PHACTR1: variants seen among roughly 807,000 people sequenced by gnomAD.
The protein encoded by PHACTR1 is RPEL repeat containing 1.
PHACTR1 carries 16 observed loss-of-function variants against 69.2 expected under a neutral mutation model. The observed-to-expected ratio is 0.23, with a 90% CI of 0.16 to 0.35. The LOEUF is 0.35. Among genes scored for constraint, PHACTR1 ranks in the 10% least tolerant of loss-of-function variants. The pLI is 1.00. For missense variants in PHACTR1, 510 were observed against 734.7 expected, an observed-to-expected ratio of 0.69 and a Z score of 3.54; for synonymous variants, 312 against 284.5, an observed-to-expected ratio of 1.10 and a Z score of -0.97.
intron 10 of PHACTR1, among the ~76,000 whole-genome samples, chr6:13,257,660 A>C (rs1289158044): frequency 6.6e-6 from 1 of 152,156 alleles, no homozygotes; most frequent in Non-Finnish European, 1.5e-5. Context: ...CACTTTGCGC[A>C]TGCTATTTCT....
rs530741132 is a variant in PHACTR1 at position 13,177,172 on chromosome 6, T to TAAAAAAAAAA, written c.497-5325_497-5316dup. Among the ~76,000 whole-genome samples the TAAAAAAAAAA allele has an allele frequency of 8.0e-4, 51 of 63,362 alleles. 1 individual carries two copies. Among genetic ancestry groups the TAAAAAAAAAA allele is most frequent in the African/African-American group, 2.8e-3 (27 of 9,784 alleles). 41.6% of individuals were successfully genotyped at this position (63,362 alleles called of 152,430 possible). The stretch of plus-strand genomic sequence containing the variant: ...TGGCAAAATAGCAAGACCCCATCTC[T>TAAAAAAAAAA]AAAAAAAAAAAAAAAAAAAAAAAAA... On this transcript the variant is annotated intron_variant, in intron 6 of 14. Transcript: ENST00000332995.
chr6:12,957,804 C>G, intron 4 of PHACTR1: 7 of 985,588 alleles, frequency 7.1e-6, no homozygotes, highest in Non-Finnish European at 8.4e-6. Flanking sequence ...TTCTCCATTC[C>G]ATCCCACGTG....
intron 4 of PHACTR1, among the ~76,000 whole-genome samples, chr6:12,950,666 G>C (rs1791181751): frequency 6.6e-6 from 1 of 152,148 alleles, no homozygotes; most frequent in African/African-American, 2.4e-5. Flanking sequence ...TTATACATGA[G>C]AAAAAGGAGG....
At chr6:13,120,253 C>T (rs1196128130) in intron 5 of PHACTR1, among the ~76,000 whole-genome samples, 1 of 152,176 alleles carries the variant, frequency 6.6e-6, no homozygotes, top group African/African-American at 2.4e-5. Context: ...TTCTCCCTCT[C>T]TCCTTCTCTT....
intron 4 of PHACTR1, among the ~76,000 whole-genome samples, chr6:12,862,554 G>A (rs1299676088): frequency 6.6e-6 from 1 of 152,102 alleles, no homozygotes; most frequent in African/African-American, 2.4e-5. Flanking sequence ...CCCGAGACAA[G>A]AGAAGAATGA....
chr6:13,189,309 C>A (rs928107978), intron 7 of PHACTR1, among the ~76,000 whole-genome samples: 1 of 152,122 alleles, frequency 6.6e-6, no homozygotes, highest in Non-Finnish European at 1.5e-5. Context: ...TAGTAAGTGG[C>A]AGATAAGCAT....
At chr6:12,758,457 C>A (rs961090738) in intron 4 of PHACTR1, among the ~76,000 whole-genome samples, 1 of 127,126 alleles carries the variant, frequency 7.9e-6, no homozygotes, top group African/African-American at 3.0e-5. Context: ...AAGAGCGAGA[C>A]TCTCTTTCTA....
chr6:13,265,330 C>G (rs1352480541), intron 10 of PHACTR1, among the ~76,000 whole-genome samples: 1 of 143,740 alleles, frequency 7.0e-6, no homozygotes, highest in Non-Finnish European at 1.5e-5. Context: ...TACCTATCAT[C>G]TTACTGTTAA....
intron 3 of PHACTR1, among the ~76,000 whole-genome samples, chr6:12,740,204 T>C (rs1764861100): frequency 6.6e-6 from 1 of 152,042 alleles, no homozygotes; most frequent in Non-Finnish European, 1.5e-5. Flanking sequence ...GACATTACAA[T>C]TATGTTTATA....
At chr6:13,109,465 T>C in intron 5 of PHACTR1, among the ~76,000 whole-genome samples, 1 of 152,000 alleles carries the variant, frequency 6.6e-6, no homozygotes, top group East Asian at 1.9e-4. Flanking sequence ...CTCATTGCCT[T>C]CTGGATTACA....
chr6:12,799,308 G>T (rs1272126255), intron 4 of PHACTR1, among the ~76,000 whole-genome samples: 3 of 152,288 alleles, frequency 2.0e-5, no homozygotes, highest in Non-Finnish European at 4.4e-5. Context: ...TAGGTGGTCA[G>T]GAACCAGCTG....
intron 5 of PHACTR1, among the ~76,000 whole-genome samples, chr6:13,159,947 A>G (rs192111063): frequency 1.9e-3 from 295 of 152,254 alleles, no homozygotes; most frequent in Non-Finnish European, 3.4e-3. Flanking sequence ...CTCAGAAAAA[A>G]AAAAGAATGC....
chr6:13,055,795 G>A (rs1382210531), intron 5 of PHACTR1, among the ~76,000 whole-genome samples: 1 of 152,166 alleles, frequency 6.6e-6, no homozygotes, highest in East Asian at 1.9e-4. Context: ...CAGATGCAAT[G>A]GCATCAGATT....
chr6:13,239,981 G>A (rs6928672), intron 10 of PHACTR1, among the ~76,000 whole-genome samples: 8,484 of 151,810 alleles, frequency 0.056, 427 homozygotes, highest in African/African-American at 0.13. Flanking sequence ...TAAGTGTGGT[G>A]GACAAAGAGC....
chr6:12,879,759 AGAAAT>A (rs1050022081), intron 4 of PHACTR1, among the ~76,000 whole-genome samples: 5 of 152,212 alleles, frequency 3.3e-5, no homozygotes, highest in African/African-American at 1.2e-4. Flanking sequence ...TCAGCAACAC[AGAAAT>A]GAAGTGTCAA....
intron 13 of PHACTR1, among the ~76,000 whole-genome samples, chr6:13,285,583 C>T (rs1006792844): frequency 6.6e-5 from 10 of 152,060 alleles, no homozygotes; most frequent in South Asian, 2.1e-4. Flanking sequence ...TGGGGTGATT[C>T]GGGATCATCT....
intron 3 of PHACTR1, among the ~76,000 whole-genome samples, chr6:12,733,253 T>G (rs890231246): frequency 1.3e-5 from 2 of 152,208 alleles, no homozygotes; most frequent in African/African-American, 2.4e-5. Context: ...TTAATTTAAT[T>G]AGCTCATTTT....
chr6:12,884,723 A>G (rs1582280121), intron 4 of PHACTR1, among the ~76,000 whole-genome samples: 1 of 152,164 alleles, frequency 6.6e-6, no homozygotes, highest in East Asian at 1.9e-4. Context: ...TATGCGTCAA[A>G]ATCATGGCAG....
At chr6:13,040,697 C>T (rs532834444) in intron 4 of PHACTR1, among the ~76,000 whole-genome samples, 3 of 152,106 alleles carry the variant, frequency 2.0e-5, no homozygotes, top group Non-Finnish European at 2.9e-5. Flanking sequence ...CAGACTGAAA[C>T]GGTTATAAGC....
Sources: allele counts gnomAD v4.1 joint callset (sites outside exome capture counted in the v4.1 genomes callset), GRCh38; gene constraint gnomAD v4.1.1; transcripts MANE v1.5; gene names NCBI Gene and HGNC (gene_info 2026-07-23, HGNC 2026-07-21).